EBF3: variants seen among roughly 807,000 people sequenced by gnomAD.
EBF3 encodes EBF transcription factor 3.
EBF3 carries 18 observed loss-of-function variants against 77.1 expected under a neutral mutation model. That is an observed-to-expected ratio of 0.23 (90% CI 0.16 to 0.35). The LOEUF is 0.35. Ranked by LOEUF, EBF3 falls within the 10% of genes least tolerant of loss-of-function variation. The pLI is 1.00. For missense variants in EBF3, 558 were observed against 860.0 expected, an observed-to-expected ratio of 0.65 and a Z score of 4.39; for synonymous variants, 350 against 343.5, an observed-to-expected ratio of 1.02 and a Z score of -0.21.
intron 6 of EBF3, among the ~76,000 whole-genome samples, chr10:129,903,048 A>G (rs1854898867): frequency 6.6e-6 from 1 of 152,240 alleles, no homozygotes. Flanking sequence ...ACACAGAAGC[A>G]ACACAACAAA....
chr10:129,883,462 A>G (rs1853349381), intron 6 of EBF3, among the ~76,000 whole-genome samples: 1 of 152,124 alleles, frequency 6.6e-6, no homozygotes, highest in Non-Finnish European at 1.5e-5. Flanking sequence ...GATGGGGGGA[A>G]CCTGCTTTTG....
At chr10:129,924,098 C>G (rs759083869) in intron 6 of EBF3, among the ~76,000 whole-genome samples, 9 of 152,108 alleles carry the variant, frequency 5.9e-5, no homozygotes, top group Non-Finnish European at 1.0e-4. Context: ...AGCTCCTCAC[C>G]CATTAGGATG....
intron 6 of EBF3, among the ~76,000 whole-genome samples, chr10:129,905,586 G>A (rs1297181619): frequency 6.6e-6 from 1 of 152,220 alleles, no homozygotes; most frequent in East Asian, 1.9e-4. Context: ...GACCCTACCT[G>A]GCCTCCCCAC....
intron 14 of EBF3, 29 bp from the exon 15 acceptor site, chr10:129,840,471 C>T (rs1387578379): frequency 9.1e-6 from 14 of 1,541,908 alleles, no homozygotes; most frequent in East Asian, 2.5e-5. Context: ...GGTCAGCACG[C>T]GCGGCCGCGG....
intron 6 of EBF3, among the ~76,000 whole-genome samples, chr10:129,899,180 C>T (rs917786024): frequency 1.3e-5 from 2 of 152,252 alleles, no homozygotes; most frequent in Non-Finnish European, 2.9e-5. Context: ...ACATTGTGAG[C>T]TTCTGATAGC....
chr10:129,868,718 G>A (rs1385399108), intron 8 of EBF3, among the ~76,000 whole-genome samples: 14 of 152,218 alleles, frequency 9.2e-5, no homozygotes, highest in Non-Finnish European at 1.8e-4. Flanking sequence ...CGGTGCCCTC[G>A]GCAGCCTTGA....
rs918983493 is a variant in EBF3 at position 129,947,124 on chromosome 10, T to C, written c.554+10134A>G. Among the ~76,000 whole-genome samples the C allele has an allele frequency of 6.6e-6, 1 of 152,182 alleles. No homozygotes were observed. The highest frequency in any genetic ancestry group is 6.5e-5 in the Admixed American group (1 of 15,288). On this transcript the variant is annotated intron_variant, in intron 6 of 16. Transcript: ENST00000440978. This position sits in a 1 kb window ranked among gnomAD's most constrained non-coding sequence, Gnocchi z 4.5. Reference sequence around the variant, plus strand: ...TCGTGTCAGGGGACGAGCCGCTTCATTGAGAAAATGGAAATGGACAGGGAG... The same window carrying C: ...TCGTGTCAGGGGACGAGCCGCTTCACTGAGAAAATGGAAATGGACAGGGAG...
At chr10:129,930,500 A>G (rs948928252) in intron 6 of EBF3, among the ~76,000 whole-genome samples, 16 of 142,672 alleles carry the variant, frequency 1.1e-4, no homozygotes, top group African/African-American at 1.4e-4. Context: ...TCATATATCT[A>G]TATCTGTCTA....
chr10:129,913,765 C>T (rs1462690608), intron 6 of EBF3, among the ~76,000 whole-genome samples: 1 of 152,246 alleles, frequency 6.6e-6, no homozygotes, highest in Non-Finnish European at 1.5e-5. Context: ...TGGCACCCAC[C>T]CTTCAGAGCA....
intron 6 of EBF3, among the ~76,000 whole-genome samples, chr10:129,928,752 C>A (rs898647745): frequency 6.6e-6 from 1 of 152,150 alleles, no homozygotes; most frequent in Admixed American, 6.5e-5. Context: ...AAGGCCAGGC[C>A]ATTGCATGTT....
chr10:129,840,321 G>T lies in EBF3; in HGVS notation c.1683C>A (p.Ser561Arg). 6.3e-7 allele frequency: 1 copy of T among 1,589,444 alleles called. No homozygotes were observed. Among genetic ancestry groups the T allele is most frequent in the Non-Finnish European group, 8.6e-7 (1 of 1,167,834 alleles). The part of the protein sequence containing the change: ...ANVISAVKQK[S>R]AFAPVVRPQA... ...GGGGCCGGACCACGGGCGCGAAGGCGCTCTTCTGTTTCACTGCGGAGATGA... is the reference window on the plus strand; with the variant it reads ...GGGGCCGGACCACGGGCGCGAAGGCTCTCTTCTGTTTCACTGCGGAGATGA... The change falls in exon 15 of 17, where the codon AGC becomes AGA. Residue 561 changes from serine to arginine, a missense_variant. Ser to Arg is a moderately radical substitution (Grantham distance 110). This residue lies in a region of EBF3 where 284 missense variants were observed against 368.3 expected (regional missense o/e 0.77). Coordinates refer to ENST00000440978, the MANE Select transcript of EBF3 (RefSeq NM_001375380.1).
At chr10:129,890,281 G>A (rs1853929310) in intron 6 of EBF3, among the ~76,000 whole-genome samples, 1 of 152,218 alleles carries the variant, frequency 6.6e-6, no homozygotes, top group African/African-American at 2.4e-5. Context: ...TGTGGTACAA[G>A]TGACCCTGAA....
At position 129,840,738 on chromosome 10, in the gene EBF3, CT is replaced by C. The variant is rs1849976906; in HGVS notation, c.1561+105del. ...CGCCCAGCCTCCAGGGCCACCCTTC[CT>C]TTTATCCAGTAGCTCACATCACAGA... On this transcript the variant is annotated intron_variant, in intron 14 of 16. Transcript: ENST00000440978. The C allele has an allele frequency of 6.1e-6, 9 of 1,472,632 alleles. No homozygotes were observed. In the South Asian group the frequency reaches 9.4e-5, roughly 15 times the overall value. The allele number at this position is 1,472,632 out of a possible 1,614,324, so 91.2% of individuals were successfully genotyped here.
At chr10:129,955,358 G>A (rs191920537) in intron 6 of EBF3, among the ~76,000 whole-genome samples, 39 of 152,128 alleles carry the variant, frequency 2.6e-4, no homozygotes, top group Non-Finnish European at 5.1e-4. Flanking sequence ...TATGCCAGGC[G>A]TAAATGGAGC....
At position 129,861,333 on chromosome 10, in the gene EBF3, A is replaced by T. The variant is rs1247052963; in HGVS notation, c.1039+5808T>A. Among the ~76,000 whole-genome samples, 1 of 152,200 alleles carries T rather than the reference A, an allele frequency of 6.6e-6. No homozygotes were observed. The highest frequency in any genetic ancestry group is 2.4e-5 in the African/African-American group (1 of 41,452). On this transcript the variant is annotated intron_variant, in intron 10 of 16. Coordinates refer to ENST00000440978, the MANE Select transcript of EBF3 (RefSeq NM_001375380.1). The surrounding 1 kb of genome is among the most constrained non-coding windows in gnomAD (Gnocchi z 4.3). ...CACGCCACCCCACTTGGTACGAAAA[A>T]AAAAGTCACCCTTTGCCATCCATAT...
chr10:129,843,310 G>T, intron 11 of EBF3, 108 bp from the exon 12 acceptor site: 1 of 1,203,382 alleles, frequency 8.3e-7, no homozygotes, highest in Non-Finnish European at 1.2e-6. Flanking sequence ...CCCACCCACA[G>T]CGACCCGTCC....
chr10:129,882,415 C>G, intron 6 of EBF3, among the ~76,000 whole-genome samples: 1 of 152,260 alleles, frequency 6.6e-6, no homozygotes, highest in Middle Eastern at 3.4e-3. Context: ...TCAAGGAGTC[C>G]GTGGCATTAG....
chr10:129,868,471 T>C (rs2134083908), intron 8 of EBF3, among the ~76,000 whole-genome samples: 1 of 152,360 alleles, frequency 6.6e-6, no homozygotes, highest in South Asian at 2.1e-4. Flanking sequence ...AAGGTACACA[T>C]TTTACATCTA....
At chr10:129,924,446 C>A (rs74429935) in intron 6 of EBF3, among the ~76,000 whole-genome samples, 11,257 of 122,064 alleles carry the variant, frequency 0.092, 1,067 homozygotes, top group African/African-American at 0.26. Context: ...AAAAAAAAAA[C>A]AAAAAACAAA....
Sources: gnomAD v4.1 joint callset for allele counts (sites outside exome capture counted in the v4.1 genomes callset) on GRCh38, gnomAD v4.1.1 for gene constraint, gnomAD v4.1.1 regional missense constraint, Gnocchi (gnomAD v3.1) non-coding constraint, MANE v1.5 for transcripts, NCBI Gene and HGNC (gene_info 2026-07-23, HGNC 2026-07-21) for gene names.